Variants in POLR2F observed in about 807,000 individuals in gnomAD.
POLR2F encodes the protein RNA polymerase II, I and III subunit F, also known as DNA-directed RNA polymerases I, II, and III subunit RPABC2.
In POLR2F, 12 loss-of-function variants were observed where a neutral mutation model predicts 22.7. That is an observed-to-expected ratio of 0.53 (90% CI 0.34 to 0.86). The LOEUF (loss-of-function observed/expected upper bound fraction) is 0.86, where lower values mean the gene tolerates loss of function less well. Among genes scored for constraint, POLR2F ranks in the 40% least tolerant of loss-of-function variants. POLR2F has a pLI of 0.02. For missense variants in POLR2F, 126 were observed against 171.5 expected (o/e 0.73, Z 1.48); for synonymous variants, 57 against 66.0 (o/e 0.86, Z 0.66).
upstream of POLR2F, among the ~76,000 whole-genome samples, chr22:37,981,533 G>C (rs1368342839): frequency 6.6e-6 from 1 of 152,178 alleles, no homozygotes; most frequent in Non-Finnish European, 1.5e-5. Context: ...GGGAACCTGG[G>C]GACAGGGACA....
At chr22:37,976,914 T>C (rs1049449042) in intron 4 of POLR2F, among the ~76,000 whole-genome samples, 1 of 152,030 alleles carries the variant, frequency 6.6e-6, no homozygotes, top group African/African-American at 2.4e-5. Context: ...TCAGAATGGC[T>C]GGTGGGATTT....
intron 1 of POLR2F, among the ~76,000 whole-genome samples, chr22:38,006,683 C>T (rs1186671465): frequency 1.3e-5 from 2 of 152,178 alleles, no homozygotes; most frequent in African/African-American, 4.8e-5. Context: ...ACAGACCCCC[C>T]AGGAAGGGCC....
intron 1 of POLR2F, among the ~76,000 whole-genome samples, chr22:38,014,342 CTTATTTTTT>C (rs2084897353): frequency 6.6e-6 from 1 of 150,498 alleles, no homozygotes; most frequent in Non-Finnish European, 1.5e-5. Context: ...CTGGCTAGGA[CTTATTTTTT>C]TTATTTTTTT....
chr22:37,954,615 T>C (rs1026447667), intron 1 of POLR2F, among the ~76,000 whole-genome samples: 3 of 152,120 alleles, frequency 2.0e-5, no homozygotes, highest in Non-Finnish European at 2.9e-5. Context: ...TGTAGTAATC[T>C]AGATGAGAGA....
exon 6 of POLR2F, chr22:38,041,092 A>G: frequency 6.2e-7 from 1 of 1,612,784 alleles, no homozygotes; most frequent in Non-Finnish European, 8.5e-7. Context: ...GAGAGGAGTG[A>G]CTCGCCTGAA....
chr22:37,956,832 A>G lies in POLR2F; in HGVS notation c.80A>G (p.Asn27Ser). ...GATGAAGGGCTAGATGACTTGGAGA[A>G]TGCCGAAGAGGTCAGTATTCAGCCT... ...EEDEGLDDLE[N>S]AEEEGQENVE... The change falls in exon 2 of 5, where the codon AAT (asparagine) becomes AGT (serine). Residue 27 changes from asparagine to serine, a missense_variant. Physicochemically the swap from Asn to Ser is conservative, Grantham distance 46. Transcript: ENST00000442738. 6.2e-7 allele frequency: 1 copy of G among 1,613,806 alleles called. No individual in the cohort carries two copies. Among genetic ancestry groups the G allele is most frequent in the Non-Finnish European group, 8.5e-7 (1 of 1,179,656 alleles).
At chr22:38,038,076 T>C (rs986944527) in intron 5 of POLR2F, among the ~76,000 whole-genome samples, 6 of 136,818 alleles carry the variant, frequency 4.4e-5, no homozygotes, top group Non-Finnish European at 7.7e-5. Flanking sequence ...ATGGCCTCTC[T>C]GGGAGCCTGA....
chr22:37,984,345 G>A (rs1460971431), upstream of POLR2F: 1 of 152,618 alleles, frequency 6.6e-6, no homozygotes, highest in Admixed American at 6.5e-5. This position sits in a 1 kb window ranked among gnomAD's most constrained non-coding sequence, Gnocchi z 4.4. Context: ...TCACCTCCTC[G>A]GACCTCTCCT....
intron 1 of POLR2F, among the ~76,000 whole-genome samples, chr22:38,011,585 G>T (rs1257305442): frequency 6.6e-6 from 1 of 151,750 alleles, no homozygotes; most frequent in Non-Finnish European, 1.5e-5. Flanking sequence ...ACATGTGTGG[G>T]TCTATTCTTG....
upstream of POLR2F, chr22:37,983,315 G>A: frequency 1.3e-6 from 2 of 1,573,642 alleles, no homozygotes; most frequent in Non-Finnish European, 1.7e-6. The surrounding 1 kb of genome is among the most constrained non-coding windows in gnomAD (Gnocchi z 9.5). Context: ...GAATCCACCC[G>A]AAGCTAGAGG....
intron 1 of POLR2F, among the ~76,000 whole-genome samples, chr22:38,020,174 C>A (rs1454994982): frequency 1.3e-5 from 2 of 150,752 alleles, no homozygotes; most frequent in Non-Finnish European, 1.5e-5. Context: ...CACAGCGAGA[C>A]CTTGTCTCTG....
downstream of POLR2F, among the ~76,000 whole-genome samples, chr22:37,972,063 G>GGA (rs138070905): frequency 7.1e-6 from 1 of 141,208 alleles, no homozygotes; most frequent in South Asian, 2.4e-4. Flanking sequence ...GTGGGAGGGG[G>GGA]GAGAGAGAGA....
chr22:38,024,604 A>C (rs928521901), intron 1 of POLR2F, among the ~76,000 whole-genome samples: 1 of 152,052 alleles, frequency 6.6e-6, no homozygotes, highest in Non-Finnish European at 1.5e-5. Context: ...CAAACATGGG[A>C]AGGACGGACA....
chr22:37,992,584 G>A (rs753853268), intron 1 of POLR2F, among the ~76,000 whole-genome samples: 5 of 152,020 alleles, frequency 3.3e-5, no homozygotes, highest in African/African-American at 4.8e-5. Flanking sequence ...CAGTAGAGAC[G>A]GATGGGGTTT....
chr22:38,041,485 G>C, downstream of POLR2F: 1 of 274,588 alleles, frequency 3.6e-6, no homozygotes, highest in Non-Finnish European at 7.0e-6. Flanking sequence ...TCCAGCCCCC[G>C]GACACCTAGC....
intron 1 of POLR2F, among the ~76,000 whole-genome samples, chr22:38,008,669 C>T (rs1339550281): frequency 6.6e-6 from 1 of 151,770 alleles, no homozygotes; most frequent in Non-Finnish European, 1.5e-5. Flanking sequence ...GTCAGGAGTT[C>T]GAGACCAGGC....
At chr22:37,999,300 C>T (rs2084747426) in intron 1 of POLR2F, among the ~76,000 whole-genome samples, 1 of 152,166 alleles carries the variant, frequency 6.6e-6, no homozygotes, top group African/African-American at 2.4e-5. Context: ...CACATTTCTA[C>T]CGGGTGGCTG....
chr22:38,019,460 G>A (rs2084941988), intron 1 of POLR2F, among the ~76,000 whole-genome samples: 1 of 152,160 alleles, frequency 6.6e-6, no homozygotes, highest in Admixed American at 6.5e-5. Context: ...GGGGTGGTTG[G>A]GGAGTGAACC....
At chr22:37,966,010 G>T (rs987003330) in intron 3 of POLR2F, among the ~76,000 whole-genome samples, 3 of 152,312 alleles carry the variant, frequency 2.0e-5, no homozygotes, top group East Asian at 3.9e-4. Context: ...CTGGGCCTCC[G>T]TGGTGAATCA....
Sources: gnomAD v4.1 joint callset for allele counts (sites outside exome capture counted in the v4.1 genomes callset) on GRCh38, gnomAD v4.1.1 for gene constraint, Gnocchi (gnomAD v3.1) non-coding constraint, MANE v1.5 for transcripts, NCBI Gene and HGNC (gene_info 2026-07-23, HGNC 2026-07-21) for gene names.